Variants in ACTR3C observed in about 807,000 individuals in gnomAD.
ACTR3C encodes the protein actin related protein 3C.
In ACTR3C, 18 loss-of-function variants were observed where a neutral mutation model predicts 26.3. The ratio of observed to expected loss-of-function variants is 0.68; its 90% confidence interval spans 0.47 to 1.01. The LOEUF (loss-of-function observed/expected upper bound fraction) is 1.01, where lower values mean the gene tolerates loss of function less well. Ranked by LOEUF, ACTR3C falls within the 50% of genes least tolerant of loss-of-function variation. ACTR3C has a pLI of 0.00. For missense variants in ACTR3C, 184 were observed against 250.7 expected (o/e 0.73, Z 1.80); for synonymous variants, 55 against 94.5 (o/e 0.58, Z 2.42).
chr7:150,024,310 G>C, the ACTR3C span, among the ~76,000 whole-genome samples: 1 of 152,134 alleles, frequency 6.6e-6, no homozygotes, highest in Non-Finnish European at 1.5e-5. Flanking sequence ...CGGGGAGCAG[G>C]AGGACCCACG....
the ACTR3C span, among the ~76,000 whole-genome samples, chr7:149,981,797 T>C: frequency 2.0e-5 from 3 of 152,128 alleles, no homozygotes; most frequent in Non-Finnish European, 2.9e-5. Context: ...CTGAGCTCTA[T>C]GAAGTACCCT....
At chr7:150,041,818 G>C in the ACTR3C span, among the ~76,000 whole-genome samples, 1 of 143,334 alleles carries the variant, frequency 7.0e-6, no homozygotes, top group Non-Finnish European at 1.5e-5. Context: ...TGCGATGGGG[G>C]TACTAAGAGC....
the ACTR3C span, among the ~76,000 whole-genome samples, chr7:149,924,993 G>A: frequency 6.6e-6 from 1 of 152,104 alleles, no homozygotes; most frequent in Non-Finnish European, 1.5e-5. Flanking sequence ...CAAATAATGT[G>A]AGCATTCTGT....
chr7:150,078,214 T>C, the ACTR3C span, among the ~76,000 whole-genome samples: 1 of 151,350 alleles, frequency 6.6e-6, no homozygotes, highest in Non-Finnish European at 1.5e-5. Flanking sequence ...TTTCTTCCCC[T>C]TTTTTTTCTA....
At chr7:150,224,860 T>C in the ACTR3C span, among the ~76,000 whole-genome samples, 1 of 152,330 alleles carries the variant, frequency 6.6e-6, no homozygotes, top group East Asian at 1.9e-4. Flanking sequence ...ATTATTTAAC[T>C]ATAAAGCATG....
the ACTR3C span, among the ~76,000 whole-genome samples, chr7:149,950,361 G>A: frequency 6.8e-6 from 1 of 146,664 alleles, no homozygotes; most frequent in Non-Finnish European, 1.5e-5. Context: ...GGGGGAGGGA[G>A]GGAAAGAATC....
At chr7:150,029,478 G>A in the ACTR3C span, among the ~76,000 whole-genome samples, 2 of 150,740 alleles carry the variant, frequency 1.3e-5, no homozygotes, top group African/African-American at 2.5e-5. Flanking sequence ...GAGGCAGGAA[G>A]ATCGCTTGAG....
chr7:150,082,801 C>G, the ACTR3C span, among the ~76,000 whole-genome samples: 2 of 152,062 alleles, frequency 1.3e-5, no homozygotes, highest in African/African-American at 2.4e-5. Context: ...CATCTTATCT[C>G]CTCACTTATG....
chr7:150,144,911 G>T, the ACTR3C span, among the ~76,000 whole-genome samples: 2 of 151,960 alleles, frequency 1.3e-5, no homozygotes, highest in African/African-American at 4.8e-5. The surrounding 1 kb of genome is among the most constrained non-coding windows in gnomAD (Gnocchi z 4.6). Context: ...TTAGCTGGGC[G>T]TGGTGGCGTG....
chr7:149,918,584 G>A, the ACTR3C span, among the ~76,000 whole-genome samples: 22 of 152,176 alleles, frequency 1.4e-4, no homozygotes, highest in African/African-American at 4.3e-4. Flanking sequence ...CAGCTACTCG[G>A]GAGGCTGAGA....
chr7:149,923,544 G>C, the ACTR3C span, among the ~76,000 whole-genome samples: 1 of 152,148 alleles, frequency 6.6e-6, no homozygotes, highest in Non-Finnish European at 1.5e-5. Flanking sequence ...AACAACTCTA[G>C]TGAAGAGACA....
the ACTR3C span, among the ~76,000 whole-genome samples, chr7:149,889,018 TA>T: frequency 6.8e-6 from 1 of 148,080 alleles, no homozygotes; most frequent in East Asian, 2.0e-4. Context: ...GAAAAAAAAA[TA>T]AAAAATAATA....
At chr7:150,070,563 A>G in the ACTR3C span, among the ~76,000 whole-genome samples, 1 of 152,010 alleles carries the variant, frequency 6.6e-6, no homozygotes, top group Non-Finnish European at 1.5e-5. Flanking sequence ...TGATCCTCCC[A>G]CTGCAATCTC....
chr7:150,245,033 G>T (rs1311125709), downstream of ACTR3C: 3 of 152,302 alleles, frequency 2.0e-5, no homozygotes, highest in African/African-American at 7.2e-5. Flanking sequence ...TATTAAAACT[G>T]GATTTCTTCA....
the ACTR3C span, among the ~76,000 whole-genome samples, chr7:150,025,216 T>C: frequency 1.1e-3 from 159 of 151,046 alleles, no homozygotes; most frequent in African/African-American, 3.7e-3. Flanking sequence ...CATAGCCTAC[T>C]GCTTTTCCTC....
At chr7:150,316,247 A>G (rs1373035235) in intron 1 of ACTR3C, among the ~76,000 whole-genome samples, 1 of 152,224 alleles carries the variant, frequency 6.6e-6, no homozygotes, top group Non-Finnish European at 1.5e-5. Context: ...CATCATGTGG[A>G]TGTACCATAC....
At chr7:150,140,776 A>T in the ACTR3C span, among the ~76,000 whole-genome samples, 1 of 152,360 alleles carries the variant, frequency 6.6e-6, no homozygotes, top group South Asian at 2.1e-4. Context: ...AATAAAAAAA[A>T]ATTAGAATTG....
At chr7:150,037,381 TC>T in the ACTR3C span, among the ~76,000 whole-genome samples, 335 of 47,948 alleles carry the variant, frequency 7.0e-3, 113 homozygotes, top group Non-Finnish European at 0.013. Context: ...GGGGGGTGCC[TC>T]CCCCCTCTGC....
At chr7:150,086,851 T>C in the ACTR3C span, among the ~76,000 whole-genome samples, 2 of 152,142 alleles carry the variant, frequency 1.3e-5, no homozygotes, top group Non-Finnish European at 2.9e-5. Context: ...AATCTGTCCC[T>C]TGTACACTCC....
Sources: allele counts gnomAD v4.1 joint callset (sites outside exome capture counted in the v4.1 genomes callset), GRCh38; gene constraint gnomAD v4.1.1; non-coding constraint Gnocchi (gnomAD v3.1); transcripts MANE v1.5; gene names NCBI Gene and HGNC (gene_info 2026-07-23, HGNC 2026-07-21).